The following OSBPL8 variants were observed in gnomAD, a reference collection of about 807,000 sequenced individuals.
OSBPL8 encodes oxysterol-binding protein-related protein 8.
A neutral mutation model predicts 125.5 loss-of-function variants in OSBPL8; 59 were observed. The observed-to-expected ratio is 0.47, with a 90% CI of 0.38 to 0.58. The LOEUF is 0.58. Ranked by LOEUF, OSBPL8 falls within the 20% of genes least tolerant of loss-of-function variation. The pLI is 0.00. For synonymous variants in OSBPL8, 330 were observed against 338.9 expected (o/e 0.97, Z 0.29); for missense variants, 758 against 1,047.8 (o/e 0.72, Z 3.82).
chr12:76,398,597 A>T (rs1330965454), intron 7 of OSBPL8, among the ~76,000 whole-genome samples: 1 of 152,196 alleles, frequency 6.6e-6, no homozygotes, highest in Non-Finnish European at 1.5e-5. Context: ...AATGGTGTCT[A>T]TGCAATTCAG....
chr12:76,527,109 GT>G (rs1950201515), intron 1 of OSBPL8, among the ~76,000 whole-genome samples: 1 of 151,958 alleles, frequency 6.6e-6, no homozygotes, highest in South Asian at 2.1e-4. Flanking sequence ...ACAGCCAGCA[GT>G]TTTACCTGCT....
At chr12:76,408,998 T>TA (rs1565872880) in intron 5 of OSBPL8, among the ~76,000 whole-genome samples, 89 of 151,480 alleles carry the variant, frequency 5.9e-4, no homozygotes, top group African/African-American at 1.7e-3. Flanking sequence ...GATCTTTTTT[T>TA]TAAAAAAAAA....
chr12:76,410,432 A>G, intron 5 of OSBPL8, 132 bp downstream of exon 5: 1 of 627,478 alleles, frequency 1.6e-6, no homozygotes, highest in Middle Eastern at 3.3e-4. Flanking sequence ...CACTCTTTTA[A>G]TACACACTAC....
At chr12:76,529,973 T>C (rs900151762) in intron 1 of OSBPL8, among the ~76,000 whole-genome samples, 1 of 152,212 alleles carries the variant, frequency 6.6e-6, no homozygotes, top group Non-Finnish European at 1.5e-5. Context: ...TGAAGTAACA[T>C]GCTGATTGCT....
At chr12:76,516,812 C>CTT (rs1881581286) in intron 1 of OSBPL8, among the ~76,000 whole-genome samples, 1 of 146,208 alleles carries the variant, frequency 6.8e-6, no homozygotes, top group Non-Finnish European at 1.5e-5. Context: ...CTTTTCTTTT[C>CTT]TTTTCTTTTT....
intron 4 of OSBPL8, 117 bp downstream of exon 4, chr12:76,450,734 A>C: frequency 9.3e-7 from 1 of 1,071,166 alleles, no homozygotes; most frequent in Non-Finnish European, 1.3e-6. Flanking sequence ...AACCCCTTAC[A>C]AAACCAAATA....
chr12:76,487,478 G>A (rs1010655171), intron 2 of OSBPL8, 32 bp downstream of exon 2: 4 of 1,564,140 alleles, frequency 2.6e-6, no homozygotes, highest in Non-Finnish European at 3.5e-6. Context: ...AGTTACAGAT[G>A]ATAGAACCTA....
intron 21 of OSBPL8, among the ~76,000 whole-genome samples, chr12:76,362,649 C>G (rs1021447527): frequency 1.3e-5 from 2 of 152,174 alleles, no homozygotes; most frequent in African/African-American, 4.8e-5. Context: ...TCTCACCACT[C>G]CTATTCAACA....
At chr12:76,514,092 C>T (rs1188543238) in intron 1 of OSBPL8, among the ~76,000 whole-genome samples, 2 of 152,088 alleles carry the variant, frequency 1.3e-5, no homozygotes, top group Non-Finnish European at 2.9e-5. Context: ...CTTTCAAGAT[C>T]TCTTGTAAGG....
At chr12:76,385,230 G>A (rs1228796830) in intron 14 of OSBPL8, among the ~76,000 whole-genome samples, 1 of 152,052 alleles carries the variant, frequency 6.6e-6, no homozygotes, top group African/African-American at 2.4e-5. Flanking sequence ...AGGAGAAGAA[G>A]GTTTTTCAAA....
intron 17 of OSBPL8, 173 bp from the exon 18 acceptor site, chr12:76,373,606 C>A (rs546903937): frequency 6.6e-5 from 31 of 472,050 alleles, no homozygotes; most frequent in Non-Finnish European, 1.0e-4. Context: ...AATAAGAAAT[C>A]TGAATTGCTG....
intron 2 of OSBPL8, among the ~76,000 whole-genome samples, chr12:76,465,016 T>G (rs1323254768): frequency 6.6e-6 from 1 of 152,180 alleles, no homozygotes; most frequent in Non-Finnish European, 1.5e-5. Context: ...ACAGGAGTCA[T>G]CACTCTACAC....
intron 19 of OSBPL8, chr12:76,371,117 G>A (rs945805165): frequency 1.2e-5 from 2 of 165,720 alleles, no homozygotes; most frequent in African/African-American, 4.8e-5. Context: ...CTTAAATCAG[G>A]TTAGAAAACT....
At chr12:76,487,720 G>T (rs1878304074) in intron 1 of OSBPL8, 102 bp from the exon 2 acceptor site, 2 of 431,738 alleles carry the variant, frequency 4.6e-6, no homozygotes, top group South Asian at 1.0e-4. Context: ...TTAGTCTGAG[G>T]TTATTTGGAA....
Position 76,475,002 on chromosome 12 carries a change from T to C in OSBPL8, c.42+12508A>G, listed in dbSNP as rs147397102. On this transcript the variant is annotated intron_variant, in intron 2 of 23. Transcript: ENST00000261183. ...TAAAAATCTCTTTATTGTTCTACTG[T>C]CACTAGAAAGACAGGTAGAGATTTG... Among the ~76,000 whole-genome samples the C allele has an allele frequency of 9.8e-4, 149 of 152,362 alleles. 1 individual carries two copies. In the East Asian group the frequency reaches 0.02, roughly 21 times the overall value.
At chr12:76,477,607 T>C (rs1202284441) in intron 2 of OSBPL8, among the ~76,000 whole-genome samples, 2 of 152,026 alleles carry the variant, frequency 1.3e-5, no homozygotes, top group Non-Finnish European at 2.9e-5. Context: ...ACACGAGAAC[T>C]AAATGTAACG....
chr12:76,392,646 A>G lies in OSBPL8; in HGVS notation c.864T>C (p.Asp288=). 1 of 1,614,094 alleles carries G rather than the reference A, an allele frequency of 6.2e-7. No homozygotes were observed. Among genetic ancestry groups the G allele is most frequent in the Non-Finnish European group, 8.5e-7 (1 of 1,179,936 alleles). The change falls in exon 10 of 24, where the codon GAT becomes GAC. Residue 288 remains aspartate (D), a synonymous_variant. Transcript: ENST00000261183. ...GKEHDLSVSS[D]STHVTFYGLL... The stretch of plus-strand genomic sequence containing the variant: ...AGCCATAGAAAGTCACATGTGTGCT[A>G]TCTGATGAAACGCTCAGGTCATGTT...
In OSBPL8 at chr12:76,459,361, G is replaced by C. The variant is rs539574171; in HGVS notation, c.79+498C>G. 2.0e-5 allele frequency among the ~76,000 whole-genome samples: 3 copies of C among 152,208 alleles called. No individual in the cohort carries two copies. The East Asian group carries it at 5.8e-4, about 29-fold the overall frequency. ...AAAAACTCTCAGTAAAATGTGTTGA[G>C]GTGAATTGGATATAATTTTCAAGGA... On this transcript the variant is annotated intron_variant, in intron 3 of 23. Coordinates refer to ENST00000261183, the MANE Select transcript of OSBPL8 (RefSeq NM_020841.5).
At chr12:76,544,095 T>C (rs928046717) in intron 1 of OSBPL8, among the ~76,000 whole-genome samples, 4 of 152,138 alleles carry the variant, frequency 2.6e-5, no homozygotes, top group African/African-American at 4.8e-5. Context: ...AACATACAAA[T>C]AAAGGTCATC....
Sources: allele counts gnomAD v4.1 joint callset (sites outside exome capture counted in the v4.1 genomes callset), GRCh38; gene constraint gnomAD v4.1.1; transcripts MANE v1.5; gene names NCBI Gene and HGNC (gene_info 2026-07-23, HGNC 2026-07-21).